FAM186A: variants seen among roughly 807,000 people sequenced by gnomAD.
FAM186A encodes the protein family with sequence similarity 186 member A, also known as protein FAM186A.
FAM186A carries 163 observed loss-of-function variants against 216.8 expected under a neutral mutation model. That is an observed-to-expected ratio of 0.75 (90% CI 0.66 to 0.86). FAM186A has a LOEUF of 0.86. FAM186A is among the 40% of genes least tolerant of loss of function. The probability of loss-of-function intolerance (pLI) is 0.00; values close to 1 mark genes in which losing one functional copy is unlikely to be tolerated. For synonymous variants in FAM186A, 805 were observed against 1,025.3 expected, an observed-to-expected ratio of 0.79 and a Z score of 4.10; for missense variants, 2,184 against 2,746.2, an observed-to-expected ratio of 0.80 and a Z score of 4.58.
At chr12:50,356,768 G>A (rs1942981256) in intron 3 of FAM186A, among the ~76,000 whole-genome samples, 1 of 152,186 alleles carries the variant, frequency 6.6e-6, no homozygotes, top group African/African-American at 2.4e-5. Context: ...GGAGACCTGG[G>A]TGGGCAGATG....
intron 2 of FAM186A, among the ~76,000 whole-genome samples, chr12:50,361,822 C>T (rs1348363580): frequency 2.6e-5 from 4 of 151,996 alleles, no homozygotes; most frequent in African/African-American, 7.2e-5. Context: ...CTGCCAGCCT[C>T]GGCCTCCCAA....
At chr12:50,383,278 A>AAAAAAACAGAG (rs1555218962) in intron 1 of FAM186A, among the ~76,000 whole-genome samples, 1 of 49,170 alleles carries the variant, frequency 2.0e-5, no homozygotes, top group Non-Finnish European at 4.4e-5. Context: ...AAAAAAAAAA[A>AAAAAAACAGAG]AGAGAGAGAG....
intron 1 of FAM186A, among the ~76,000 whole-genome samples, chr12:50,365,310 C>T (rs1565890583): frequency 3.9e-5 from 6 of 152,104 alleles, no homozygotes; most frequent in Admixed American, 3.3e-4. Flanking sequence ...ATGCAAGCCT[C>T]GGTCTACTTC....
chr12:50,359,279 T>G (rs1275499583), intron 3 of FAM186A, among the ~76,000 whole-genome samples: 5 of 151,742 alleles, frequency 3.3e-5, no homozygotes, highest in Admixed American at 6.6e-5. Flanking sequence ...GTGCCTGTAA[T>G]CCCAGCTGCT....
chr12:50,344,784 T>C (rs150775859), intron 4 of FAM186A, among the ~76,000 whole-genome samples: 4 of 152,088 alleles, frequency 2.6e-5, no homozygotes, highest in Non-Finnish European at 4.4e-5. Context: ...CTGGGAAACA[T>C]AGTAAGACCC....
intron 1 of FAM186A, among the ~76,000 whole-genome samples, chr12:50,376,926 T>A (rs920053852): frequency 1.3e-5 from 2 of 151,854 alleles, no homozygotes; most frequent in African/African-American, 4.8e-5. Flanking sequence ...TATTTTTATT[T>A]TTTTTAGAGA....
intron 6 of FAM186A, among the ~76,000 whole-genome samples, chr12:50,331,319 A>G (rs1389968805): frequency 6.6e-6 from 1 of 152,106 alleles, no homozygotes; most frequent in East Asian, 1.9e-4. Flanking sequence ...GGCTCACCGC[A>G]ACCTCTGCCA....
chr12:50,379,119 A>G (rs1446008116), intron 1 of FAM186A, among the ~76,000 whole-genome samples: 2 of 152,044 alleles, frequency 1.3e-5, no homozygotes, highest in African/African-American at 4.8e-5. Flanking sequence ...GGCCTGGCCA[A>G]CATGATGAAA....
chr12:50,356,391 C>G (rs1942978016), intron 3 of FAM186A, 143 bp from the exon 4 acceptor site: 1 of 620,848 alleles, frequency 1.6e-6, no homozygotes, highest in Non-Finnish European at 2.6e-6. Context: ...AACTTTAGCT[C>G]TAAAATAAAC....
chr12:50,392,043 G>A (rs1943361580), intron 1 of FAM186A, among the ~76,000 whole-genome samples: 2 of 150,680 alleles, frequency 1.3e-5, no homozygotes, highest in Admixed American at 1.3e-4. Flanking sequence ...AAGACGTGAG[G>A]CAGAAGAAAG....
In FAM186A at chr12:50,327,397, T is replaced by G; in HGVS notation, c.7042A>C (p.Lys2348Gln). 6.5e-7 allele frequency: 1 copy of G among 1,547,674 alleles called. No individual in the cohort carries two copies. Among genetic ancestry groups the G allele is most frequent in the Non-Finnish European group, 8.7e-7 (1 of 1,144,356 alleles). ...SLASLQSRVKKIPK is the reference protein window; with the variant it reads ...SLASLQSRVKQIPK ...TAATTTTACAGTCATTTGGGAATCT[T>G]CTTAACCCTGGAAATGAGACAAGAA... The change falls in exon 8 of 8, where the codon AAG (lysine) becomes CAG (glutamine). Residue 2348 changes from lysine (K) to glutamine (Q), a missense_variant. By Grantham distance (53) the Lys-to-Gln change is moderately conservative. Transcript: ENST00000327337.
chr12:50,353,518 T>C lies in FAM186A; in HGVS notation c.3314A>G (p.Gln1105Arg), dbSNP rs1942934393. 1 of 1,538,732 alleles carries C rather than the reference T, an allele frequency of 6.5e-7. No homozygotes were observed. Among genetic ancestry groups the C allele is most frequent in the Non-Finnish European group, 8.8e-7 (1 of 1,140,684 alleles). The change falls in exon 4 of 8, where the codon CAG becomes CGG. Residue 1105 changes from glutamine (Q) to arginine (R), a missense_variant. Coordinates refer to ENST00000327337, the MANE Select transcript of FAM186A (RefSeq NM_001145475.3). ...QGITLTLQQA[Q>R]ELGIPLTPQQ... ...AGGGGTGAGAGGGATCCCTAGTTCCTGGGCCTGCTGAAGGGTGAGCGTGAT... is the reference window on the plus strand; with the variant it reads ...AGGGGTGAGAGGGATCCCTAGTTCCCGGGCCTGCTGAAGGGTGAGCGTGAT...
chr12:50,389,973 T>C (rs1199834508), intron 1 of FAM186A, among the ~76,000 whole-genome samples: 1 of 152,212 alleles, frequency 6.6e-6, no homozygotes, highest in Admixed American at 6.5e-5. Flanking sequence ...GGCTCCTATT[T>C]GGCCTTTCCC....
chr12:50,378,558 G>GTATATATATATATA (rs144897665), intron 1 of FAM186A, among the ~76,000 whole-genome samples: 12 of 14,370 alleles, frequency 8.4e-4, no homozygotes, highest in African/African-American at 1.0e-3. Context: ...TATGTAAATT[G>GTATATATATATATA]TATATATATA....
intron 4 of FAM186A, among the ~76,000 whole-genome samples, chr12:50,348,373 G>T (rs1172659495): frequency 6.6e-6 from 1 of 151,248 alleles, no homozygotes; most frequent in African/African-American, 2.4e-5. Flanking sequence ...GTTTCACCAT[G>T]TTGGCCAGCT....
chr12:50,356,671 A>G (rs1051119657), intron 3 of FAM186A, among the ~76,000 whole-genome samples: 2 of 152,120 alleles, frequency 1.3e-5, no homozygotes, highest in South Asian at 2.1e-4. Flanking sequence ...CCTCAACTTA[A>G]TTTTAGTTAC....
In FAM186A at chr12:50,346,218, AAG is replaced by A. The variant is rs143120430; in HGVS notation, c.6503+4109_6503+4110del. ...AAGAAAGAAAGAGAGAGAGAGAGAG[AAG>A]GAAAGAAAGAAAGAAAAAAAGAAAG... is the stretch of plus-strand genomic sequence containing the variant. On this transcript the variant is annotated intron_variant, in intron 4 of 7. Transcript: ENST00000327337. Among the ~76,000 whole-genome samples, 104 of 110,786 alleles carry A rather than the reference AAG, an allele frequency of 9.4e-4. 2 individuals are homozygous for A. The highest frequency in any genetic ancestry group is 1.6e-3 in the South Asian group (5 of 3,146). 72.7% of individuals were successfully genotyped at this position (110,786 alleles called of 152,430 possible). A position where few individuals can be genotyped will look rare whatever the true frequency, so the allele number is the denominator to read the frequency against.
chr12:50,335,753 TA>T (rs201795633), intron 4 of FAM186A, among the ~76,000 whole-genome samples: 3 of 150,796 alleles, frequency 2.0e-5, no homozygotes, highest in Admixed American at 6.6e-5. Flanking sequence ...ACGTTACTTG[TA>T]AAAAAAAAGA....
rs752315869 is a variant in FAM186A at position 50,363,249 on chromosome 12, T to G, written c.308A>C (p.Lys103Thr). The change falls in exon 2 of 8, where the codon AAA (lysine) becomes ACA (threonine). Residue 103 changes from lysine (K) to threonine (T), a missense_variant. By Grantham distance (78) the Lys-to-Thr change is moderately conservative. This residue lies in a region of FAM186A where 1,132 missense variants were observed against 1,263.4 expected (regional missense o/e 0.90). Transcript: ENST00000327337. ...ERNVSLTEHK[K>T]KQRTNFLEKM... is the part of the protein sequence containing the mutation. ...CTCAAGAAAATTGGTTCTCTGTTTT[T>G]TCTTATGTTCTGTAAGGGAGACATT... is the stretch of plus-strand genomic sequence containing the variant. The G allele has an allele frequency of 1.4e-5, 21 of 1,551,616 alleles. No individual in the cohort carries two copies. The South Asian group carries it at 1.9e-4, about 14-fold the overall frequency.
Sources: gnomAD v4.1 joint callset for allele counts (sites outside exome capture counted in the v4.1 genomes callset) on GRCh38, gnomAD v4.1.1 for gene constraint, gnomAD v4.1.1 regional missense constraint, MANE v1.5 for transcripts, NCBI Gene and HGNC (gene_info 2026-07-23, HGNC 2026-07-21) for gene names.